The following CMPK1 variants were observed in gnomAD, a reference collection of about 807,000 sequenced individuals.
CMPK1 encodes UMP-CMP kinase.
CMPK1 carries 10 observed loss-of-function variants against 25.7 expected under a neutral mutation model. That is an observed-to-expected ratio of 0.39 (90% confidence interval 0.24 to 0.66). The LOEUF is 0.66. CMPK1 is among the 30% of genes least tolerant of loss of function. The pLI, the probability that CMPK1 is intolerant of heterozygous loss-of-function variation, is 0.48. For missense variants in CMPK1, 199 were observed against 280.5 expected, an observed-to-expected ratio of 0.71 and a Z score of 2.08; for synonymous variants, 106 against 101.5, an observed-to-expected ratio of 1.04 and a Z score of -0.27.
At chr1:47,367,743 GGAA>G (rs1646649136) in intron 1 of CMPK1, among the ~76,000 whole-genome samples, 4 of 151,942 alleles carry the variant, frequency 2.6e-5, no homozygotes, top group Admixed American at 2.6e-4. Context: ...AAGTTTATGT[GGAA>G]GAAGAAGCTT....
intron 1 of CMPK1, among the ~76,000 whole-genome samples, chr1:47,340,042 C>T (rs1452937481): frequency 1.7e-4 from 5 of 28,890 alleles, no homozygotes; most frequent in South Asian, 1.8e-3. Flanking sequence ...CCTTCCCTCC[C>T]CTCCCCTCCC....
At chr1:47,361,690 C>T (rs1290761795) in intron 1 of CMPK1, among the ~76,000 whole-genome samples, 1 of 151,326 alleles carries the variant, frequency 6.6e-6, no homozygotes, top group Non-Finnish European at 1.5e-5. Flanking sequence ...AGCCCCGGAC[C>T]TGTAAGCAAC....
chr1:47,376,356 C>T (rs1445532912), intron 5 of CMPK1, among the ~76,000 whole-genome samples: 2 of 151,864 alleles, frequency 1.3e-5, no homozygotes, highest in Admixed American at 1.3e-4. Context: ...CACTCTGTTG[C>T]CCAGGCTGGA....
At chr1:47,355,037 T>C (rs559323691) in intron 1 of CMPK1, among the ~76,000 whole-genome samples, 61 of 152,218 alleles carry the variant, frequency 4.0e-4, no homozygotes, top group Admixed American at 1.6e-3. Flanking sequence ...TTTAATCCAG[T>C]GGAAAATGGA....
chr1:47,363,298 G>C (rs947580760), intron 1 of CMPK1, among the ~76,000 whole-genome samples: 3 of 152,174 alleles, frequency 2.0e-5, no homozygotes, highest in Non-Finnish European at 2.9e-5. Flanking sequence ...ACCATCCGAA[G>C]TTAGAGATTG....
intron 1 of CMPK1, among the ~76,000 whole-genome samples, chr1:47,349,733 A>G (rs1019537162): frequency 6.6e-6 from 1 of 152,196 alleles, no homozygotes; most frequent in East Asian, 1.9e-4. Flanking sequence ...ATTAGGGCCA[A>G]CTTTCTAAAT....
At position 47,378,735 on chromosome 1, in the gene CMPK1, A is replaced by C. The variant is rs1335984847; in HGVS notation, c.*1990A>C. ...GTTTTGAGTTTTTTGAAAGACCCCA[A>C]TTTAAGCCTTGCTTATTTTTAAATT... On this transcript the variant is annotated 3_prime_UTR_variant, in exon 6 of 6. Transcript: ENST00000371873. 2.0e-5 allele frequency: 3 copies of C among 152,120 alleles called. No individual in the cohort carries two copies. The highest frequency in any genetic ancestry group is 3.9e-4 in the East Asian group (2 of 5,172). The allele number at this position is 152,120 out of a possible 1,614,324, so 9.4% of individuals were successfully genotyped here.
chr1:47,353,801 C>T (rs990686448), intron 1 of CMPK1, among the ~76,000 whole-genome samples: 13 of 152,288 alleles, frequency 8.5e-5, no homozygotes, highest in South Asian at 2.1e-4. Flanking sequence ...ACTTCAACTT[C>T]GGTCTCCCAG....
chr1:47,350,109 T>C (rs532871902), intron 1 of CMPK1, among the ~76,000 whole-genome samples: 5 of 152,248 alleles, frequency 3.3e-5, no homozygotes, highest in African/African-American at 1.2e-4. Flanking sequence ...CTCAGCCTTA[T>C]TATTATTTAT....
At chr1:47,340,599 A>C (rs1646434504) in intron 1 of CMPK1, among the ~76,000 whole-genome samples, 1 of 152,196 alleles carries the variant, frequency 6.6e-6, no homozygotes, top group Non-Finnish European at 1.5e-5. Context: ...CTGGATATTA[A>C]GGTCCAGTGT....
chr1:47,354,556 A>G (rs1347107498), intron 1 of CMPK1, among the ~76,000 whole-genome samples: 1 of 147,704 alleles, frequency 6.8e-6, no homozygotes, highest in Non-Finnish European at 1.5e-5. Flanking sequence ...TATAATGCAC[A>G]TGTGTATGCA....
At position 47,368,624 on chromosome 1, in the gene CMPK1, T is replaced by C; in HGVS notation, c.318+9T>C. On this transcript the variant is annotated intron_variant, in intron 2 of 5. Coordinates refer to ENST00000371873, the MANE Select transcript of CMPK1 (RefSeq NM_016308.3). ...TCAGTTTATTAAAGAGGGTAAGGAGTGTGAATGCCAACCAGTTCAAACCAG... is the reference window on the plus strand; with the variant it reads ...TCAGTTTATTAAAGAGGGTAAGGAGCGTGAATGCCAACCAGTTCAAACCAG... 6.4e-7 allele frequency: 1 copy of C among 1,570,210 alleles called. No individual in the cohort carries two copies. The highest frequency in any genetic ancestry group is 1.2e-5 in the South Asian group (1 of 82,668).
At chr1:47,373,200 T>C (rs2149334874) in intron 3 of CMPK1, 93 bp downstream of exon 3, 1 of 1,171,080 alleles carries the variant, frequency 8.5e-7, no homozygotes, top group Non-Finnish European at 1.2e-6. Context: ...ATATTTTATA[T>C]TGGCAGCAGT....
intron 1 of CMPK1, 102 bp downstream of exon 1, chr1:47,334,218 G>T (rs1388983900): frequency 9.1e-7 from 1 of 1,104,620 alleles, no homozygotes; most frequent in Non-Finnish European, 1.1e-6. Context: ...CCGAGCCGCA[G>T]ACTACGAGTC....
chr1:47,373,677 T>C (rs1043630832), intron 3 of CMPK1, among the ~76,000 whole-genome samples: 5 of 151,980 alleles, frequency 3.3e-5, no homozygotes, highest in African/African-American at 1.2e-4. Flanking sequence ...ATGCCTGTAA[T>C]CCCAGCTACT....
chr1:47,369,145 A>G (rs11584578), intron 2 of CMPK1, among the ~76,000 whole-genome samples: 9,877 of 152,182 alleles, frequency 0.065, 571 homozygotes, highest in East Asian at 0.3. Context: ...CTGGGACTAC[A>G]GGTGCATGCC....
At chr1:47,334,209 CGAGCCGCA>C (rs1413311959) in intron 1 of CMPK1, 93 bp downstream of exon 1, 1 of 1,155,118 alleles carries the variant, frequency 8.7e-7, no homozygotes, top group African/African-American at 1.6e-5. Context: ...GCGGAGTCGC[CGAGCCGCA>C]GACTACGAGT....
chr1:47,339,067 A>G (rs1187446356), intron 1 of CMPK1, among the ~76,000 whole-genome samples: 1 of 140,468 alleles, frequency 7.1e-6, no homozygotes, highest in Non-Finnish European at 1.5e-5. Context: ...TTTTTTTGAG[A>G]GAGGGTCTCA....
intron 1 of CMPK1, among the ~76,000 whole-genome samples, chr1:47,362,022 C>T (rs1326149578): frequency 6.6e-6 from 1 of 152,024 alleles, no homozygotes; most frequent in Non-Finnish European, 1.5e-5. Flanking sequence ...AGGCATGCGC[C>T]ACTATGCCTG....
Sources: allele counts gnomAD v4.1 joint callset (sites outside exome capture counted in the v4.1 genomes callset), GRCh38; gene constraint gnomAD v4.1.1; transcripts MANE v1.5; gene names NCBI Gene and HGNC (gene_info 2026-07-23, HGNC 2026-07-21).